Variants in CAGE1 observed in about 807,000 individuals in gnomAD.
CAGE1 encodes cancer-associated gene 1 protein.
In CAGE1, 66 loss-of-function variants were observed where a neutral mutation model predicts 94.9. The observed-to-expected ratio is 0.70, with a 90% confidence interval of 0.57 to 0.85. The LOEUF (loss-of-function observed/expected upper bound fraction) is 0.85, where lower values mean the gene tolerates loss of function less well. Among genes scored for constraint, CAGE1 ranks in the 40% least tolerant of loss-of-function variants. CAGE1 has a pLI of 0.00. For missense variants in CAGE1, 865 were observed against 950.4 expected, an observed-to-expected ratio of 0.91 and a Z score of 1.18; for synonymous variants, 319 against 321.0, an observed-to-expected ratio of 0.99 and a Z score of 0.07.
At position 7,362,922 on chromosome 6, in the gene CAGE1, A is replaced by G. The variant is rs1182194812; in HGVS notation, c.2193+2546T>C. On this transcript the variant is annotated intron_variant, in intron 9 of 13. Transcript: ENST00000502583. The surrounding 1 kb of genome is among the most constrained non-coding windows in gnomAD (Gnocchi z 4.1). ...TTTTTGTTCTCCTGGAGTACTTTAA[A>G]GCAAACCTTGCCATCATATTAATTC... Among the ~76,000 whole-genome samples the G allele has an allele frequency of 2.0e-5, 3 of 152,114 alleles. No individual in the cohort carries two copies. The highest frequency in any genetic ancestry group is 4.8e-5 in the African/African-American group (2 of 41,414).
chr6:7,356,154 A>G lies in CAGE1; in HGVS notation c.2194-25T>C, dbSNP rs778711655. The G allele has an allele frequency of 3.0e-5, 38 of 1,285,360 alleles. No homozygotes were observed. The Middle Eastern group carries it at 9.4e-4, about 32-fold the overall frequency. 79.6% of individuals were successfully genotyped at this position (1,285,360 alleles called of 1,614,324 possible). ...TCTATGGAGAAATATCAGTAAACAT[A>G]CTAATCTGGAACCTGCCAGGAAAGC... is the stretch of plus-strand genomic sequence containing the variant. On this transcript the variant is annotated intron_variant, in intron 9 of 13. Coordinates refer to ENST00000502583, the MANE Select transcript of CAGE1 (RefSeq NM_001170692.2).
At chr6:7,331,182 G>A (rs144988816) in intron 12 of CAGE1, 83 of 289,410 alleles carry the variant, frequency 2.9e-4, no homozygotes, top group Non-Finnish European at 4.7e-4. Flanking sequence ...TGGAAATAAC[G>A]TACATTTCCA....
intron 11 of CAGE1, among the ~76,000 whole-genome samples, chr6:7,343,198 A>AAAAAAAAAAAAAAAGAAAAG (rs574460085): frequency 2.9e-5 from 4 of 137,350 alleles, no homozygotes; most frequent in Non-Finnish European, 4.6e-5. Flanking sequence ...CACAAAAAAA[A>AAAAAAAAAAAAAAAGAAAAG]AAAAGAAAAG....
chr6:7,328,933 T>C (rs1169344301), intron 13 of CAGE1, among the ~76,000 whole-genome samples: 5 of 80,730 alleles, frequency 6.2e-5, no homozygotes, highest in Admixed American at 1.1e-4. Flanking sequence ...TATATATATA[T>C]ATTTTTTTTT....
chr6:7,384,023 T>C (rs1271069277), intron 3 of CAGE1, among the ~76,000 whole-genome samples: 1 of 152,238 alleles, frequency 6.6e-6, no homozygotes, highest in East Asian at 1.9e-4. Context: ...AGCTCATCTG[T>C]AGGTGCTTAT....
chr6:7,340,319 C>T (rs568142801), intron 11 of CAGE1, among the ~76,000 whole-genome samples: 1 of 152,086 alleles, frequency 6.6e-6, no homozygotes, highest in African/African-American at 2.4e-5. Context: ...TATATTAGCC[C>T]TTTGTCAGAT....
At chr6:7,331,261 T>A in intron 12 of CAGE1, 1 of 661,930 alleles carries the variant, frequency 1.5e-6, no homozygotes, top group South Asian at 2.6e-5. Context: ...TTAATATGAC[T>A]GCCAACATGT....
intron 4 of CAGE1, among the ~76,000 whole-genome samples, chr6:7,375,183 G>T (rs1262707222): frequency 6.6e-6 from 1 of 151,918 alleles, no homozygotes; most frequent in Non-Finnish European, 1.5e-5. Flanking sequence ...GGCTGAGGCG[G>T]GTGGATCATG....
At chr6:7,380,283 ATATAG>A (rs1211967752) in intron 3 of CAGE1, among the ~76,000 whole-genome samples, 5 of 152,174 alleles carry the variant, frequency 3.3e-5, no homozygotes, top group African/African-American at 2.4e-5. Context: ...AGTGATTAAT[ATATAG>A]TATTGTTTTA....
At chr6:7,344,548 C>T (rs1759345895) in intron 11 of CAGE1, among the ~76,000 whole-genome samples, 2 of 152,230 alleles carry the variant, frequency 1.3e-5, no homozygotes, top group Admixed American at 1.3e-4. Flanking sequence ...TGAGCGCCGC[C>T]CCCTGCTCTA....
At chr6:7,347,174 G>A (rs1341102183) in intron 11 of CAGE1, among the ~76,000 whole-genome samples, 1 of 152,112 alleles carries the variant, frequency 6.6e-6, no homozygotes, top group African/African-American at 2.4e-5. Context: ...CAGAATGACT[G>A]CAAGAACAAA....
chr6:7,382,188 A>G (rs1760958175), intron 3 of CAGE1, among the ~76,000 whole-genome samples: 2 of 151,910 alleles, frequency 1.3e-5, no homozygotes, highest in South Asian at 4.1e-4. Context: ...TAGATACCAA[A>G]TCTTTGTCAA....
At chr6:7,360,283 G>A (rs1021636001) in intron 9 of CAGE1, among the ~76,000 whole-genome samples, 1 of 152,114 alleles carries the variant, frequency 6.6e-6, no homozygotes, top group African/African-American at 2.4e-5. Flanking sequence ...CTTTGGGGGT[G>A]CCATTATCCT....
Position 7,329,185 on chromosome 6 carries a change from G to A in CAGE1, c.2478+664C>T, listed in dbSNP as rs1414911763. On this transcript the variant is annotated intron_variant, in intron 13 of 13. Transcript: ENST00000502583. ...TGAACTCAAGTGATCCACCCGCCTCGGCCTCCCAAAGTGCTGGGATTACAG... is the reference window on the plus strand; with the variant it reads ...TGAACTCAAGTGATCCACCCGCCTCAGCCTCCCAAAGTGCTGGGATTACAG... The A allele has an allele frequency of 2.0e-5, 8 of 399,078 alleles. No homozygotes were observed. Among genetic ancestry groups the A allele is most frequent in the Admixed American group, 1.3e-4 (3 of 22,410 alleles). The allele number at this position is 399,078 out of a possible 1,614,324, so 24.7% of individuals were successfully genotyped here. A position where few individuals can be genotyped will look rare whatever the true frequency, so the allele number is the denominator to read the frequency against.
intron 8 of CAGE1, 105 bp from the exon 9 acceptor site, chr6:7,365,680 C>G: frequency 7.1e-7 from 1 of 1,409,152 alleles, no homozygotes; most frequent in Non-Finnish European, 9.8e-7. Flanking sequence ...TTATCAGTGG[C>G]TGGAATAATA....
chr6:7,368,427 T>C (rs149431917), intron 7 of CAGE1, among the ~76,000 whole-genome samples: 3 of 152,198 alleles, frequency 2.0e-5, no homozygotes, highest in East Asian at 1.9e-4. Flanking sequence ...CCTTCAGGAA[T>C]CAGTAGTGCC....
At chr6:7,343,611 T>C (rs1481028199) in intron 11 of CAGE1, among the ~76,000 whole-genome samples, 2 of 152,310 alleles carry the variant, frequency 1.3e-5, no homozygotes, top group East Asian at 3.9e-4. Context: ...GTAGGAGATA[T>C]GGCATGGAAG....
At chr6:7,364,694 T>G (rs1760267024) in intron 9 of CAGE1, among the ~76,000 whole-genome samples, 1 of 151,908 alleles carries the variant, frequency 6.6e-6, no homozygotes, top group African/African-American at 2.4e-5. Context: ...GGTCTTGAAC[T>G]CCTGATCTCA....
Position 7,356,024 on chromosome 6 carries a change from C to T in CAGE1, c.2298+1G>A. ...AATACAAAAGAAAAAAAAATGTCTA[C>T]CTTCTTTATTAAGTTGCCTAAATGT... On this transcript the variant is annotated splice_donor_variant, in intron 10 of 13. Coordinates refer to ENST00000502583, the MANE Select transcript of CAGE1 (RefSeq NM_001170692.2). LOFTEE classifies it high-confidence loss of function. 6.7e-7 allele frequency: 1 copy of T among 1,494,912 alleles called. No individual in the cohort carries two copies. The highest frequency in any genetic ancestry group is 2.5e-5 in the East Asian group (1 of 40,610). 92.6% of individuals were successfully genotyped at this position (1,494,912 alleles called of 1,614,324 possible).
Sources: allele counts gnomAD v4.1 joint callset (sites outside exome capture counted in the v4.1 genomes callset), GRCh38; gene constraint gnomAD v4.1.1; non-coding constraint Gnocchi (gnomAD v3.1); transcripts MANE v1.5; gene names NCBI Gene and HGNC (gene_info 2026-07-23, HGNC 2026-07-21).